IGF2BP2: variants seen among roughly 807,000 people sequenced by gnomAD.
IGF2BP2 encodes the protein insulin-like growth factor 2 mRNA-binding protein 2.
IGF2BP2 carries 17 observed loss-of-function variants against 75.8 expected under a neutral mutation model. The observed-to-expected ratio is 0.22, with a 90% CI of 0.15 to 0.34. IGF2BP2 has a LOEUF of 0.34. Among genes scored for constraint, IGF2BP2 ranks in the 10% least tolerant of loss-of-function variants. The pLI, the probability that IGF2BP2 is intolerant of heterozygous loss-of-function variation, is 1.00. For missense variants in IGF2BP2, 516 were observed against 772.4 expected, an observed-to-expected ratio of 0.67 and a Z score of 3.93; for synonymous variants, 288 against 295.6, an observed-to-expected ratio of 0.97 and a Z score of 0.26.
intron 2 of IGF2BP2, among the ~76,000 whole-genome samples, chr3:185,749,183 G>GA (rs573061751): frequency 5.3e-5 from 8 of 151,214 alleles, no homozygotes; most frequent in Admixed American, 1.3e-4. Context: ...AGAAAAAAAA[G>GA]AAAAAAAAAT....
rs539183193 is a variant in IGF2BP2, at chr3:185,771,312, A to G, written c.239+51841T>C. 8.5e-5 allele frequency among the ~76,000 whole-genome samples: 13 copies of G among 152,084 alleles called. No individual in the cohort carries two copies. In the South Asian group the frequency reaches 2.5e-3, roughly 29 times the overall value. On this transcript the variant is annotated intron_variant, in intron 2 of 15. Coordinates refer to ENST00000382199, the MANE Select transcript of IGF2BP2 (RefSeq NM_006548.6). ...AAAAAATAGCCAGGTGTGGTGGTGC[A>G]CGCCTATAATCCCAGCTACTTGGGT... is the stretch of plus-strand genomic sequence containing the variant.
At chr3:185,739,972 C>T (rs1244556054) in intron 2 of IGF2BP2, among the ~76,000 whole-genome samples, 1 of 151,326 alleles carries the variant, frequency 6.6e-6, no homozygotes, top group Admixed American at 6.6e-5. Context: ...TCTCCCACCT[C>T]ACCCTCCTGA....
At chr3:185,784,208 C>A (rs1735568423) in intron 2 of IGF2BP2, among the ~76,000 whole-genome samples, 1 of 152,178 alleles carries the variant, frequency 6.6e-6, no homozygotes. Flanking sequence ...CCACTCCAGC[C>A]TGGGCGACAG....
intron 10 of IGF2BP2, among the ~76,000 whole-genome samples, chr3:185,665,332 GAGGAGGA>G (rs1717224685): frequency 7.5e-6 from 1 of 134,000 alleles, no homozygotes. Context: ...GGAGGAGGAG[GAGGAGGA>G]GGAGAAGGAG....
At chr3:185,758,275 A>G (rs896563502) in intron 2 of IGF2BP2, among the ~76,000 whole-genome samples, 1 of 152,224 alleles carries the variant, frequency 6.6e-6, no homozygotes, top group African/African-American at 2.4e-5. Flanking sequence ...ATGCCTGTCA[A>G]GCATCCAAAG....
At chr3:185,655,988 C>T (rs1322006657) in intron 12 of IGF2BP2, among the ~76,000 whole-genome samples, 4 of 152,280 alleles carry the variant, frequency 2.6e-5, no homozygotes, top group African/African-American at 7.2e-5. Flanking sequence ...AGCCCTGCCA[C>T]ATGTGTGCCT....
chr3:185,729,185 G>A (rs1247674409), intron 2 of IGF2BP2, among the ~76,000 whole-genome samples: 1 of 152,044 alleles, frequency 6.6e-6, no homozygotes, highest in Admixed American at 6.6e-5. Flanking sequence ...AAAGTATGCA[G>A]AAAACACTAT....
intron 10 of IGF2BP2, among the ~76,000 whole-genome samples, chr3:185,659,008 A>AT (rs1715944392): frequency 6.6e-6 from 1 of 152,144 alleles, no homozygotes; most frequent in South Asian, 2.1e-4. Flanking sequence ...TGGGTTCAGG[A>AT]ACTTGAGACT....
chr3:185,662,465 G>T (rs1157583959), intron 10 of IGF2BP2, among the ~76,000 whole-genome samples: 1 of 139,268 alleles, frequency 7.2e-6, no homozygotes, highest in Non-Finnish European at 1.5e-5. Context: ...GTGACAGAGT[G>T]AGACTCCATC....
At chr3:185,685,339 CAA>C (rs767533572) in intron 7 of IGF2BP2, among the ~76,000 whole-genome samples, 6 of 127,374 alleles carry the variant, frequency 4.7e-5, no homozygotes. Flanking sequence ...AACTCCGTCT[CAA>C]AAAAAAAAAA....
At chr3:185,679,343 A>T (rs1720022791) in intron 7 of IGF2BP2, among the ~76,000 whole-genome samples, 1 of 152,078 alleles carries the variant, frequency 6.6e-6, no homozygotes, top group African/African-American at 2.4e-5. Flanking sequence ...TTTTGAACTG[A>T]TAACAACTTC....
Position 185,647,237 on chromosome 3 carries a change from G to A in IGF2BP2, c.1594-99C>T. The A allele has an allele frequency of 1.2e-6, 1 of 861,884 alleles. No individual in the cohort carries two copies. The highest frequency in any genetic ancestry group is 2.4e-5 in the East Asian group (1 of 41,098). 53.4% of individuals were successfully genotyped at this position (861,884 alleles called of 1,614,324 possible). A position where few individuals can be genotyped will look rare whatever the true frequency, so the allele number is the denominator to read the frequency against. On this transcript the variant is annotated intron_variant, in intron 14 of 15. Transcript: ENST00000382199. The surrounding 1 kb of genome is among the most constrained non-coding windows in gnomAD (Gnocchi z 4.9). ...GGGGCCAAGAGGTGGAGCAGGGGAA[G>A]GAGGGGGGCTGGACTCTGCTCTCCT...
At chr3:185,787,405 T>A (rs1736044737) in intron 2 of IGF2BP2, among the ~76,000 whole-genome samples, 1 of 152,194 alleles carries the variant, frequency 6.6e-6, no homozygotes. Context: ...TGAGTAGATA[T>A]TTTCATTTTA....
chr3:185,799,973 G>A (rs1430067904), intron 2 of IGF2BP2, among the ~76,000 whole-genome samples: 3 of 152,194 alleles, frequency 2.0e-5, no homozygotes, highest in African/African-American at 7.2e-5. Context: ...AAAGGCACAT[G>A]CACACGTATC....
intron 10 of IGF2BP2, among the ~76,000 whole-genome samples, chr3:185,668,508 G>GAGATATAT (rs779987582): frequency 4.0e-5 from 5 of 125,786 alleles, no homozygotes; most frequent in South Asian, 2.6e-4. Flanking sequence ...GAGAGAGAGA[G>GAGATATAT]ATATATATAT....
chr3:185,808,131 A>G (rs1432067690), intron 2 of IGF2BP2, among the ~76,000 whole-genome samples: 2 of 120,784 alleles, frequency 1.7e-5, no homozygotes, highest in African/African-American at 7.9e-5. Flanking sequence ...AAAAAAAAAA[A>G]AAAAGAAAGA....
At chr3:185,726,538 G>C (rs1344911643) in intron 2 of IGF2BP2, among the ~76,000 whole-genome samples, 10 of 152,150 alleles carry the variant, frequency 6.6e-5, no homozygotes, top group Non-Finnish European at 2.9e-5. Context: ...ACACAAATTA[G>C]ATTCCTATAA....
At chr3:185,685,272 C>T (rs564677965) in intron 7 of IGF2BP2, among the ~76,000 whole-genome samples, 19 of 151,482 alleles carry the variant, frequency 1.3e-4, no homozygotes, top group African/African-American at 4.1e-4. Context: ...TGCTTGAACC[C>T]GGGAGACGGG....
chr3:185,769,830 CAA>C (rs35418660), intron 2 of IGF2BP2, among the ~76,000 whole-genome samples: 15,942 of 76,794 alleles, frequency 0.21, 785 homozygotes, highest in African/African-American at 0.33. Flanking sequence ...ACCCTGTCTC[CAA>C]AAAAAAAAAA....
Sources: allele counts gnomAD v4.1 joint callset (sites outside exome capture counted in the v4.1 genomes callset), GRCh38; gene constraint gnomAD v4.1.1; non-coding constraint Gnocchi (gnomAD v3.1); transcripts MANE v1.5; gene names NCBI Gene and HGNC (gene_info 2026-07-23, HGNC 2026-07-21).